Variants in CLYBL observed in about 807,000 individuals in gnomAD.
CLYBL encodes citramalyl-CoA lyase, mitochondrial.
CLYBL carries 31 observed loss-of-function variants against 38.9 expected under a neutral mutation model. That is an observed-to-expected ratio of 0.80 (90% CI 0.60 to 1.08). The LOEUF (loss-of-function observed/expected upper bound fraction) is 1.08, where lower values mean the gene tolerates loss of function less well. Ranked by LOEUF, CLYBL falls within the 50% of genes least tolerant of loss-of-function variation. CLYBL has a pLI of 0.00. For missense variants in CLYBL, 434 were observed against 411.6 expected, an observed-to-expected ratio of 1.05 and a Z score of -0.47; for synonymous variants, 171 against 158.6, an observed-to-expected ratio of 1.08 and a Z score of -0.59.
At chr13:99,631,329 T>TTGTGTG (rs1342977969) in intron 1 of CLYBL, among the ~76,000 whole-genome samples, 15 of 102,140 alleles carry the variant, frequency 1.5e-4, no homozygotes, top group Non-Finnish European at 2.6e-4. Context: ...CTCCAAATAT[T>TTGTGTG]TATGTGTGTG....
chr13:99,791,854 A>T (rs77172081), intron 2 of CLYBL, among the ~76,000 whole-genome samples: 1 of 152,222 alleles, frequency 6.6e-6, no homozygotes, highest in African/African-American at 2.4e-5. Flanking sequence ...TTATTACCTT[A>T]GAGTCCTGAC....
chr13:99,827,448 A>G (rs1252060376), intron 2 of CLYBL, among the ~76,000 whole-genome samples: 1 of 152,180 alleles, frequency 6.6e-6, no homozygotes, highest in Non-Finnish European at 1.5e-5. Context: ...TCACAGTCAC[A>G]CAAAAAAGTC....
At chr13:99,824,640 C>T (rs2050658744) in intron 2 of CLYBL, among the ~76,000 whole-genome samples, 1 of 152,124 alleles carries the variant, frequency 6.6e-6, no homozygotes, top group Non-Finnish European at 1.5e-5. Flanking sequence ...CGAGCACACA[C>T]CCCTTGTTGT....
intron 6 of CLYBL, among the ~76,000 whole-genome samples, chr13:99,868,070 C>T (rs935556300): frequency 2.6e-4 from 40 of 151,516 alleles, no homozygotes; most frequent in Admixed American, 1.5e-3. Context: ...TTCTCCACGA[C>T]GGGGAGTATT....
chr13:99,830,422 G>A (rs1010781951), intron 2 of CLYBL, among the ~76,000 whole-genome samples: 7 of 152,160 alleles, frequency 4.6e-5, no homozygotes, highest in Non-Finnish European at 8.8e-5. Context: ...GCACCACTGC[G>A]GTATAGAAAG....
rs759532223 is a variant in CLYBL, at chr13:99,870,998, C to T, written c.863C>T (p.Pro288Leu). The T allele has an allele frequency of 7.4e-6, 12 of 1,613,592 alleles. No homozygotes were observed. Among genetic ancestry groups the T allele is most frequent in the South Asian group, 4.4e-5 (4 of 91,028 alleles). The part of the protein sequence containing the change: ...AVVQEQFSPS[P>L]EKIKWAEELI... ...GTCCAGGAGCAGTTTTCTCCTTCCC[C>T]TGAAAAAATTAAGTGGGCTGAAGAA... Residue 288 changes from proline to leucine, a missense_variant, in exon 7 of 9, where the codon CCT becomes CTT. Pro to Leu is a moderately conservative substitution (Grantham distance 98). Coordinates refer to ENST00000339105, the MANE Select transcript of CLYBL (RefSeq NM_206808.5).
At chr13:99,872,975 C>T (rs961801781) in intron 7 of CLYBL, among the ~76,000 whole-genome samples, 2 of 151,526 alleles carry the variant, frequency 1.3e-5, no homozygotes, top group Non-Finnish European at 2.9e-5. Flanking sequence ...AATGCCCTCT[C>T]GTTGGGGCAT....
intron 1 of CLYBL, among the ~76,000 whole-genome samples, chr13:99,617,649 G>C (rs189976684): frequency 7.4e-6 from 1 of 134,488 alleles, no homozygotes; most frequent in Non-Finnish European, 1.8e-5. Context: ...TTCAGAAGAT[G>C]TAAGAGTTTT....
chr13:99,670,514 CA>C (rs1455082966), intron 1 of CLYBL, among the ~76,000 whole-genome samples: 1 of 152,152 alleles, frequency 6.6e-6, no homozygotes, highest in East Asian at 1.9e-4. Flanking sequence ...GCTCTAAAAA[CA>C]GGCATCTACT....
At chr13:99,905,765 G>T (rs76771058) in intron 9 of CLYBL, among the ~76,000 whole-genome samples, 2,091 of 150,316 alleles carry the variant, frequency 0.014, 49 homozygotes, top group African/African-American at 0.048. Context: ...TTGTTGTGGT[G>T]GTGGTTGTGG....
chr13:99,672,103 C>T lies in CLYBL; in HGVS notation c.62+65346C>T, dbSNP rs567221914. 7.7e-4 allele frequency among the ~76,000 whole-genome samples: 117 copies of T among 152,216 alleles called. 3 individuals carry two copies. Among genetic ancestry groups the T allele is most frequent in the Middle Eastern group, 3.4e-3 (1 of 294 alleles). ...ACAGAGCTGTATTGTTATTAGCTGT[C>T]GTCCCTCTTGTTAGAGCCCTTCTCA... On this transcript the variant is annotated intron_variant, in intron 1 of 8. Coordinates refer to ENST00000339105, the MANE Select transcript of CLYBL (RefSeq NM_206808.5).
chr13:99,825,833 G>C (rs368994157), intron 2 of CLYBL, among the ~76,000 whole-genome samples: 2 of 152,180 alleles, frequency 1.3e-5, no homozygotes, highest in Non-Finnish European at 1.5e-5. Flanking sequence ...GGTAGAACCC[G>C]AATAGACATC....
intron 1 of CLYBL, among the ~76,000 whole-genome samples, chr13:99,613,020 GTGATGA>G (rs199533089): frequency 3.2e-5 from 2 of 62,026 alleles, no homozygotes; most frequent in Non-Finnish European, 4.5e-5. Flanking sequence ...ATTAAAAATA[GTGATGA>G]TAATAATAAT....
rs1361639397 is a variant in CLYBL, at chr13:99,716,169, A to AG, written c.63-56655_63-56654insG. ...AAATTGTCCTTGCTTTATTGGTGTA[A>AG]TTTTTTTTTTTTTTTTTTTTTTTTT... On this transcript the variant is annotated intron_variant, in intron 1 of 8. Transcript: ENST00000339105. Among the ~76,000 whole-genome samples the AG allele has an allele frequency of 5.6e-3, 187 of 33,464 alleles. 12 individuals are homozygous for AG. Among genetic ancestry groups the AG allele is most frequent in the African/African-American group, 0.018 (181 of 10,126 alleles). 22.0% of individuals were successfully genotyped at this position (33,464 alleles called of 152,430 possible). A position where few individuals can be genotyped will look rare whatever the true frequency, so the allele number is the denominator to read the frequency against.
At chr13:99,704,843 C>G (rs1285998429) in intron 1 of CLYBL, among the ~76,000 whole-genome samples, 1 of 152,154 alleles carries the variant, frequency 6.6e-6, no homozygotes, top group Non-Finnish European at 1.5e-5. Context: ...ATCTTGAGCA[C>G]GGATCCTAAG....
chr13:99,807,274 C>T (rs1169519011), intron 2 of CLYBL, among the ~76,000 whole-genome samples: 1 of 152,160 alleles, frequency 6.6e-6, no homozygotes, highest in East Asian at 1.9e-4. Context: ...TTTATGCTTT[C>T]TCACTGAGAT....
chr13:99,673,120 A>G (rs12873787), intron 1 of CLYBL, among the ~76,000 whole-genome samples: 1 of 152,164 alleles, frequency 6.6e-6, no homozygotes, highest in Non-Finnish European at 1.5e-5. Context: ...GCAACAGAAA[A>G]GGTGCAACAG....
chr13:99,882,228 G>A (rs1171209777), intron 7 of CLYBL, among the ~76,000 whole-genome samples: 1 of 152,090 alleles, frequency 6.6e-6, no homozygotes, highest in Non-Finnish European at 1.5e-5. Context: ...TTGAGATTTG[G>A]GGTAAAAAGC....
At chr13:99,785,551 C>T (rs766803385) in intron 2 of CLYBL, among the ~76,000 whole-genome samples, 5 of 151,684 alleles carry the variant, frequency 3.3e-5, no homozygotes, top group Non-Finnish European at 7.4e-5. Flanking sequence ...ATCCCTTTTA[C>T]CTGTTCTGGC....
Sources: allele counts gnomAD v4.1 joint callset (sites outside exome capture counted in the v4.1 genomes callset), GRCh38; gene constraint gnomAD v4.1.1; transcripts MANE v1.5; gene names NCBI Gene and HGNC (gene_info 2026-07-23, HGNC 2026-07-21).